Variants in TRAPPC1 observed in about 807,000 individuals in gnomAD.
The protein encoded by TRAPPC1 is trafficking protein particle complex subunit 1, also known as BET5 homolog.
TRAPPC1 carries 10 observed loss-of-function variants against 17.2 expected under a neutral mutation model. The ratio of observed to expected loss-of-function variants is 0.58; its 90% confidence interval spans 0.36 to 0.99. TRAPPC1 has a LOEUF of 0.99. TRAPPC1 is among the 50% of genes least tolerant of loss of function. The pLI is 0.01. For synonymous variants in TRAPPC1, 85 were observed against 74.5 expected (o/e 1.14, Z -0.72); for missense variants, 163 against 184.4 (o/e 0.88, Z 0.67).
chr17:7,931,403 C>T (rs956406551), intron 2 of TRAPPC1, 103 bp downstream of exon 2: 41 of 1,248,756 alleles, frequency 3.3e-5, no homozygotes, highest in South Asian at 2.8e-4. Context: ...AGTACCCTTT[C>T]CCCCCTCTGG....
rs1476770855 is a variant in TRAPPC1 at position 7,930,635 on chromosome 17, G to T, written c.409C>A (p.Leu137Met). 2 of 1,614,082 alleles carry T rather than the reference G, an allele frequency of 1.2e-6. No homozygotes were observed. The highest frequency in any genetic ancestry group is 1.7e-6 in the Non-Finnish European group (2 of 1,180,038). The part of the protein sequence containing the change: ...RSRLDSYVRS[L>M]PFFSARAG ...CCAGCCCGGGCGGAGAAGAAGGGCA[G>T]AGAGCGAACATAGGAGTCCAGTCGG... The change falls in exon 4 of 4, where the codon CTG becomes ATG. Residue 137 changes from leucine to methionine, a missense_variant. Transcript: ENST00000303731.
At chr17:7,931,407 C>T (rs1384497680) in intron 2 of TRAPPC1, 99 bp downstream of exon 2, 5 of 1,284,610 alleles carry the variant, frequency 3.9e-6, no homozygotes, top group Non-Finnish European at 2.2e-6. Context: ...CCCTTTCCCC[C>T]CTCTGGAGGC....
chr17:7,931,562 C>T lies in TRAPPC1; in HGVS notation c.114G>A (p.Met38Ile), dbSNP rs757531814. Residue 38 changes from methionine (M) to isoleucine (I), a missense_variant, in exon 2 of 4, where the codon ATG (methionine) becomes ATA (isoleucine). Coordinates refer to ENST00000303731, the MANE Select transcript of TRAPPC1 (RefSeq NM_021210.5). Reference protein sequence around the residue: ...GIPKEEEYKLMYGMLFSIRSF... With the variant: ...GIPKEEEYKLIYGMLFSIRSF... ...AGCGGATAGAGAAGAGCATCCCGTA[C>T]ATCAGCTTATACTCCTGGAGGGAGA... 2 of 1,613,578 alleles carry T rather than the reference C, an allele frequency of 1.2e-6. No individual in the cohort carries two copies. The highest frequency in any genetic ancestry group is 8.5e-7 in the Non-Finnish European group (1 of 1,179,914).
chr17:7,931,389 C>G (rs117570620), intron 2 of TRAPPC1, 117 bp downstream of exon 2: 24,045 of 1,179,214 alleles, frequency 0.02, 336 homozygotes, highest in Middle Eastern at 0.059. Flanking sequence ...CTCAGCCTCT[C>G]TTAAGTACCC....
In TRAPPC1 at chr17:7,931,555, TC is replaced by T. The variant is rs780619909; in HGVS notation, c.120del (p.Met41CysfsTer15). 1 of 1,608,470 alleles carries T rather than the reference TC, an allele frequency of 6.2e-7. No individual in the cohort carries two copies. ...PKEEEYKLMY[G>X]MLFSIRSFVS... The stretch of plus-strand genomic sequence containing the variant: ...ACAAACGAGCGGATAGAGAAGAGCA[TC>T]CCGTACATCAGCTTATACTCCTGGA... On this transcript the variant is annotated frameshift_variant, in exon 2 of 4. Coordinates refer to ENST00000303731, the MANE Select transcript of TRAPPC1 (RefSeq NM_021210.5). LOFTEE classifies it high-confidence loss of function.
intron 1 of TRAPPC1, 50 bp downstream of exon 1, chr17:7,931,681 G>T: frequency 6.3e-7 from 1 of 1,591,560 alleles, no homozygotes; most frequent in Non-Finnish European, 8.6e-7. Flanking sequence ...GGGACTATAG[G>T]TGTTTGGAGA....
In TRAPPC1 at chr17:7,931,060, T is replaced by C. The variant is rs1972464785; in HGVS notation, c.260A>G (p.Asp87Gly). 6.2e-7 allele frequency: 1 copy of C among 1,613,730 alleles called. No individual in the cohort carries two copies. The highest frequency in any genetic ancestry group is 1.1e-5 in the South Asian group (1 of 91,050). Residue 87 changes from aspartate to glycine, a missense_variant, in exon 3 of 4, where the codon GAC (aspartate) becomes GGC (glycine). Asp to Gly is a moderately conservative substitution (Grantham distance 94). Transcript: ENST00000303731. Reference sequence around the variant, plus strand: ...ATCTCGGATGGGTCCCACGCCCAAGTCAGTATTCATGACAACTTTGATCCC... The same window carrying C: ...ATCTCGGATGGGTCCCACGCCCAAGCCAGTATTCATGACAACTTTGATCCC... Reference protein sequence around the residue: ...PTGIKVVMNTDLGVGPIRDVL... With the variant: ...PTGIKVVMNTGLGVGPIRDVL...
rs928782588 is a variant in TRAPPC1 at position 7,930,379 on chromosome 17, T to C, written c.*227A>G. On this transcript the variant is annotated 3_prime_UTR_variant, in exon 4 of 4. Transcript: ENST00000303731. ...TGACAAAAAGTTTATTCTGTGCTTC[T>C]CGCAGCATTAGGCAGGGGATAAAAC... The C allele has an allele frequency of 5.2e-5, 29 of 557,242 alleles. No individual in the cohort carries two copies. The South Asian group carries it at 5.5e-4, about 11-fold the overall frequency. The allele number at this position is 557,242 out of a possible 1,614,324, so 34.5% of individuals were successfully genotyped here. A position where few individuals can be genotyped will look rare whatever the true frequency, so the allele number is the denominator to read the frequency against.
Position 7,931,103 on chromosome 17 carries a change from A to T in TRAPPC1, c.217T>A (p.Tyr73Asn). The T allele has an allele frequency of 3.7e-6, 6 of 1,613,872 alleles. No homozygotes were observed. Among genetic ancestry groups the T allele is most frequent in the Non-Finnish European group, 5.1e-6 (6 of 1,179,962 alleles). Reference sequence around the variant, plus strand: ...TTGATCCCAGTGGGCGTCTCGTAGTAATGGAGTTTGTAACGGCTAGTTTGG... The same window carrying T: ...TTGATCCCAGTGGGCGTCTCGTAGTTATGGAGTTTGTAACGGCTAGTTTGG... Reference protein sequence around the residue: ...AFQTSRYKLHYYETPTGIKVV... With the variant: ...AFQTSRYKLHNYETPTGIKVV... Residue 73 changes from tyrosine (Y) to asparagine (N), a missense_variant, in exon 3 of 4, where the codon TAC (tyrosine) becomes AAC (asparagine). Tyr to Asn is a moderately radical substitution (Grantham distance 143, BLOSUM62 -2). Transcript: ENST00000303731.
chr17:7,931,146 C>T lies in TRAPPC1; in HGVS notation c.174G>A (p.Lys58=), dbSNP rs2151723498. ...TAGTTTGGAAGGCCAGGAAGCCATCCTTCCTGCAGAGATGAGGAGGGTGTT... is the reference window on the plus strand; with the variant it reads ...TAGTTTGGAAGGCCAGGAAGCCATCTTTCCTGCAGAGATGAGGAGGGTGTT... ...FVSKMSPLDM[K]DGFLAFQTSR... is the part of the protein sequence containing the mutation. Residue 58 remains lysine, a synonymous_variant, in exon 3 of 4, where the codon AAG becomes AAA. Transcript: ENST00000303731. 6.2e-7 allele frequency: 1 copy of T among 1,613,822 alleles called. No homozygotes were observed. Among genetic ancestry groups the T allele is most frequent in the East Asian group, 2.2e-5 (1 of 44,874 alleles).
chr17:7,930,991 T>C lies in TRAPPC1; in HGVS notation c.309+20A>G. On this transcript the variant is annotated intron_variant, in intron 3 of 3. Transcript: ENST00000303731. ...GTTCTGAAGAGCTCTGGGGGATGGG[T>C]CCCTGGGGCTGGCACTGACCGCACT... 1 of 1,612,402 alleles carries C rather than the reference T, an allele frequency of 6.2e-7. No individual in the cohort carries two copies. Among genetic ancestry groups the C allele is most frequent in the South Asian group, 1.1e-5 (1 of 90,966 alleles).
chr17:7,930,944 GGGGAGATGA>G, intron 3 of TRAPPC1, 58 bp downstream of exon 3: 2 of 1,586,620 alleles, frequency 1.3e-6, no homozygotes, highest in Non-Finnish European at 1.7e-6. Context: ...GATTGGGGCA[GGGGAGATGA>G]GGGAGTCTTG....
At position 7,930,507 on chromosome 17, in the gene TRAPPC1, G is replaced by C. The variant is rs929278830; in HGVS notation, c.*99C>G. 1 of 1,503,092 alleles carries C rather than the reference G, an allele frequency of 6.7e-7. No homozygotes were observed. Among genetic ancestry groups the C allele is most frequent in the Non-Finnish European group, 9.1e-7 (1 of 1,093,962 alleles). The allele number at this position is 1,503,092 out of a possible 1,614,324, so 93.1% of individuals were successfully genotyped here. On this transcript the variant is annotated 3_prime_UTR_variant, in exon 4 of 4. Transcript: ENST00000303731. The stretch of plus-strand genomic sequence containing the variant: ...TTTAGGCTGTTGCTCTGGGCAGGGG[G>C]TGGGGGTGCGGGGGCTTACAGTGGG...
At position 7,931,539 on chromosome 17, in the gene TRAPPC1, C is replaced by CG; in HGVS notation, c.136dup (p.Arg46ProfsTer22). 6.2e-7 allele frequency: 1 copy of CG among 1,613,874 alleles called. No homozygotes were observed. The highest frequency in any genetic ancestry group is 8.5e-7 in the Non-Finnish European group (1 of 1,179,980). The stretch of plus-strand genomic sequence containing the variant: ...CGGGGACATCTTGCTGACAAACGAG[C>CG]GGATAGAGAAGAGCATCCCGTACAT... On this transcript the variant is annotated frameshift_variant, in exon 2 of 4. Transcript: ENST00000303731. LOFTEE classifies it high-confidence loss of function.
At position 7,930,648 on chromosome 17, in the gene TRAPPC1, G is replaced by T; in HGVS notation, c.396C>A (p.Ser132=). The change falls in exon 4 of 4, where the codon TCC becomes TCA. Residue 132 remains serine, a synonymous_variant. Coordinates refer to ENST00000303731, the MANE Select transcript of TRAPPC1 (RefSeq NM_021210.5). Reference sequence around the variant, plus strand: ...AGAAGAAGGGCAGAGAGCGAACATAGGAGTCCAGTCGGGAGCGAAAGAGCT... The same window carrying T: ...AGAAGAAGGGCAGAGAGCGAACATATGAGTCCAGTCGGGAGCGAAAGAGCT... ...QSELFRSRLD[S]YVRSLPFFSA... 1 of 1,614,190 alleles carries T rather than the reference G, an allele frequency of 6.2e-7. No homozygotes were observed. Among genetic ancestry groups the T allele is most frequent in the South Asian group, 1.1e-5 (1 of 91,086 alleles).
rs755747967 is a variant in TRAPPC1 at position 7,931,862 on chromosome 17, G to A, written c.-33C>T. On this transcript the variant is annotated 5_prime_UTR_variant, in exon 1 of 4. Coordinates refer to ENST00000303731, the MANE Select transcript of TRAPPC1 (RefSeq NM_021210.5). Reference sequence around the variant, plus strand: ...GCAGGGAGTGTGAGCCTCGCTCCGGGGCCGCCCCCACTCCTTGGGCTCGGG... The same window carrying A: ...GCAGGGAGTGTGAGCCTCGCTCCGGAGCCGCCCCCACTCCTTGGGCTCGGG... 86 of 1,587,690 alleles carry A rather than the reference G, an allele frequency of 5.4e-5. No individual in the cohort carries two copies. Among genetic ancestry groups the A allele is most frequent in the South Asian group, 1.8e-4 (16 of 90,508 alleles).
At chr17:7,931,264 C>G in intron 2 of TRAPPC1, 115 bp from the exon 3 acceptor site, 7 of 1,357,236 alleles carry the variant, frequency 5.2e-6, no homozygotes. Flanking sequence ...TTGTAGAAGC[C>G]TGGTTGAGTA....
rs746716955 is a variant in TRAPPC1 at position 7,930,599 on chromosome 17, G to T, written c.*7C>A. The T allele has an allele frequency of 2.0e-5, 33 of 1,613,966 alleles. No homozygotes were observed. The highest frequency in any genetic ancestry group is 2.8e-5 in the Non-Finnish European group (33 of 1,180,016). The stretch of plus-strand genomic sequence containing the variant: ...ATGAATTCTCCTGAGACTTGAGGTA[G>T]GTTGCTTCAGCCAGCCCGGGCGGAG... On this transcript the variant is annotated 3_prime_UTR_variant, in exon 4 of 4. Transcript: ENST00000303731.
intron 2 of TRAPPC1, 101 bp downstream of exon 2, chr17:7,931,405 C>T: frequency 8.6e-6 from 11 of 1,271,918 alleles, no homozygotes; most frequent in South Asian, 1.3e-5. Context: ...TACCCTTTCC[C>T]CCCTCTGGAG....
Sources: allele counts gnomAD v4.1 joint callset, GRCh38; gene constraint gnomAD v4.1.1; transcripts MANE v1.5; gene names NCBI Gene and HGNC (gene_info 2026-07-23, HGNC 2026-07-21).